The following SIPA1L2 variants were observed in gnomAD, a reference collection of about 807,000 sequenced individuals.
SIPA1L2 encodes the protein signal-induced proliferation-associated 1-like protein 2.
A neutral mutation model predicts 163.9 loss-of-function variants in SIPA1L2; 56 were observed. The observed-to-expected ratio is 0.34, with a 90% CI of 0.28 to 0.43. The LOEUF is 0.43. Ranked by LOEUF, SIPA1L2 falls within the 20% of genes least tolerant of loss-of-function variation. The pLI, the probability that SIPA1L2 is intolerant of heterozygous loss-of-function variation, is 1.00. For missense variants in SIPA1L2, 1,974 were observed against 2,193.5 expected (o/e 0.90, Z 2.00); for synonymous variants, 877 against 865.7 (o/e 1.01, Z -0.23).
intron 1 of SIPA1L2, among the ~76,000 whole-genome samples, chr1:232,585,298 T>A (rs1467162926): frequency 6.6e-6 from 1 of 152,210 alleles, no homozygotes; most frequent in African/African-American, 2.4e-5. Flanking sequence ...AATATACTCT[T>A]CTGGAGGCTT....
chr1:232,464,487 G>A (rs1018196469), intron 9 of SIPA1L2, among the ~76,000 whole-genome samples: 1 of 152,160 alleles, frequency 6.6e-6, no homozygotes, highest in Non-Finnish European at 1.5e-5. Flanking sequence ...CAGCAATTCT[G>A]TTGTTAATTA....
At chr1:232,462,315 C>T in intron 9 of SIPA1L2, 3 of 1,547,182 alleles carry the variant, frequency 1.9e-6, no homozygotes, top group Non-Finnish European at 2.6e-6. Context: ...TCCCCAAAAG[C>T]CCAGAGGCAA....
chr1:232,479,644 G>T lies in SIPA1L2; in HGVS notation c.2068C>A (p.Pro690Thr), dbSNP rs1177060877. ...GGACATACCTGTTGTCTGTTGTTGG[G>T]CATGTAGGGAAGCAGGGTTGACACG... Reference protein sequence around the residue: ...FHVSTLLPYMPNNRQQLLRKR... With the variant: ...FHVSTLLPYMTNNRQQLLRKR... The change falls in exon 7 of 23, where the codon CCC becomes ACC. Residue 690 changes from proline (P) to threonine (T), a missense_variant. Pro to Thr is a conservative substitution (Grantham distance 38, BLOSUM62 -1). Around this residue, in one of 3 missense-constraint regions of SIPA1L2, gnomAD observed 288 missense variants for 418.9 expected, o/e 0.69. Transcript: ENST00000674635. 1 of 1,613,466 alleles carries T rather than the reference G, an allele frequency of 6.2e-7. No homozygotes were observed. The highest frequency in any genetic ancestry group is 8.5e-7 in the Non-Finnish European group (1 of 1,179,642).
intron 18 of SIPA1L2, 68 bp from the exon 19 acceptor site, chr1:232,415,693 G>C (rs1327040927): frequency 1.2e-6 from 2 of 1,601,078 alleles, no homozygotes; most frequent in Non-Finnish European, 1.7e-6. Context: ...GAGTGAGTCA[G>C]AACATGGGCA....
chr1:232,547,390 AGGTGGTCTCG>A (rs1458799272), intron 2 of SIPA1L2, among the ~76,000 whole-genome samples: 2 of 151,516 alleles, frequency 1.3e-5, no homozygotes, highest in African/African-American at 4.9e-5. Context: ...TTTCCGGGTA[AGGTGGTCTCG>A]GTGTAACAAT....
At chr1:232,458,324 G>C (rs1478959546) in intron 10 of SIPA1L2, among the ~76,000 whole-genome samples, 2 of 152,120 alleles carry the variant, frequency 1.3e-5, no homozygotes, top group African/African-American at 4.8e-5. Flanking sequence ...TGATTCCTTA[G>C]AGGAAAAACA....
Position 232,465,008 on chromosome 1 carries a change from A to C in SIPA1L2, c.2652T>G (p.Ile884Met), listed in dbSNP as rs945447241. The C allele has an allele frequency of 3.7e-6, 6 of 1,614,086 alleles. No individual in the cohort carries two copies. The African/African-American group carries it at 8.0e-5, about 22-fold the overall frequency. ...ATACAACATTCTTGGAATCCTTTTCAATCAACATGATGAACTCATTGGAGA... is the reference window on the plus strand; with the variant it reads ...ATACAACATTCTTGGAATCCTTTTCCATCAACATGATGAACTCATTGGAGA... ...LGISNEFIML[I>M]EKDSKNVVFN... Residue 884 changes from isoleucine to methionine, a missense_variant, in exon 9 of 23, where the codon ATT becomes ATG. This residue lies in a region of SIPA1L2 where 1,079 missense variants were observed against 1,150.7 expected (regional missense o/e 0.94). Transcript: ENST00000674635. The surrounding 1 kb of genome is among the most constrained non-coding windows in gnomAD (Gnocchi z 4.1).
At chr1:232,547,014 C>T (rs1225757245) in intron 2 of SIPA1L2, among the ~76,000 whole-genome samples, 2 of 152,120 alleles carry the variant, frequency 1.3e-5, no homozygotes, top group African/African-American at 4.8e-5. Context: ...AAATTAGTAC[C>T]TGCCTGACTA....
intron 22 of SIPA1L2, among the ~76,000 whole-genome samples, chr1:232,401,381 G>A (rs1660329912): frequency 6.6e-6 from 1 of 152,154 alleles, no homozygotes; most frequent in Non-Finnish European, 1.5e-5. Context: ...ATTCAAACGT[G>A]CTTTAGCTTT....
chr1:232,494,683 C>T (rs139036798), intron 3 of SIPA1L2, among the ~76,000 whole-genome samples: 2 of 152,202 alleles, frequency 1.3e-5, no homozygotes, highest in South Asian at 2.1e-4. Context: ...TGAAATGACC[C>T]GAACTTAACA....
intron 1 of SIPA1L2, among the ~76,000 whole-genome samples, chr1:232,584,326 G>A (rs534547848): frequency 3.0e-4 from 46 of 152,264 alleles, no homozygotes; most frequent in Admixed American, 1.4e-3. Flanking sequence ...CCAGGTTCAA[G>A]CGATTCTCCT....
intron 1 of SIPA1L2, among the ~76,000 whole-genome samples, chr1:232,601,637 A>AAGACAT (rs1392747734): frequency 6.6e-6 from 1 of 152,218 alleles, no homozygotes; most frequent in Non-Finnish European, 1.5e-5. Context: ...AGAAAAACTG[A>AAGACAT]AGACATACAG....
intron 1 of SIPA1L2, among the ~76,000 whole-genome samples, chr1:232,577,667 T>C (rs1660151788): frequency 6.6e-6 from 1 of 152,084 alleles, no homozygotes; most frequent in Non-Finnish European, 1.5e-5. Context: ...CCTTCAAGGA[T>C]GACTTTGGGG....
intron 2 of SIPA1L2, among the ~76,000 whole-genome samples, chr1:232,555,397 A>T (rs1437549097): frequency 6.6e-6 from 1 of 152,178 alleles, no homozygotes. Flanking sequence ...TATCACCTCC[A>T]GCTGGAGTGA....
intron 16 of SIPA1L2, 48 bp from the exon 17 acceptor site, chr1:232,428,612 T>C (rs1572883136): frequency 7.2e-7 from 1 of 1,395,792 alleles, no homozygotes; most frequent in East Asian, 2.7e-5. Flanking sequence ...GTAAAGTGCC[T>C]GTAGTGGTAA....
At chr1:232,421,058 AC>A (rs1212575818) in intron 18 of SIPA1L2, among the ~76,000 whole-genome samples, 2 of 152,224 alleles carry the variant, frequency 1.3e-5, no homozygotes, top group Non-Finnish European at 2.9e-5. Flanking sequence ...TTTACTTCAT[AC>A]CCATAATATT....
chr1:232,428,560 A>G lies in SIPA1L2; in HGVS notation c.4261T>C (p.Tyr1421His), dbSNP rs748975290. ...GTGGACATGACATCCATCTCACTATACATCCTGTTGAAAACAATCAGAATG... is the reference window on the plus strand; with the variant it reads ...GTGGACATGACATCCATCTCACTATGCATCCTGTTGAAAACAATCAGAATG... ...EPEVTECPGM[Y>H]SEMDVMSTAT... Residue 1421 changes from tyrosine to histidine, a missense_variant, in exon 17 of 23, where the codon TAT (tyrosine) becomes CAT (histidine). Around this residue, in one of 3 missense-constraint regions of SIPA1L2, gnomAD observed 1,079 missense variants for 1,150.7 expected, o/e 0.94. Coordinates refer to ENST00000674635, the MANE Select transcript of SIPA1L2 (RefSeq NM_020808.5). 6.5e-7 allele frequency: 1 copy of G among 1,549,362 alleles called. No individual in the cohort carries two copies. The highest frequency in any genetic ancestry group is 8.7e-7 in the Non-Finnish European group (1 of 1,151,610).
At chr1:232,431,551 G>A (rs1355370306) in intron 16 of SIPA1L2, among the ~76,000 whole-genome samples, 2 of 152,308 alleles carry the variant, frequency 1.3e-5, no homozygotes, top group Non-Finnish European at 2.9e-5. Context: ...ATCGCAGGCA[G>A]GTACAGCAGA....
chr1:232,498,322 C>T (rs972403664), intron 3 of SIPA1L2, among the ~76,000 whole-genome samples: 2 of 152,208 alleles, frequency 1.3e-5, no homozygotes, highest in Non-Finnish European at 2.9e-5. Context: ...TTGGAGGCTG[C>T]AGCAGGCATT....
Sources: allele counts gnomAD v4.1 joint callset (sites outside exome capture counted in the v4.1 genomes callset), GRCh38; gene constraint gnomAD v4.1.1; regional missense constraint gnomAD v4.1.1; non-coding constraint Gnocchi (gnomAD v3.1); transcripts MANE v1.5; gene names NCBI Gene and HGNC (gene_info 2026-07-23, HGNC 2026-07-21).